The following IL1RAPL2 variants were observed in gnomAD, a reference collection of about 807,000 sequenced individuals.
The protein encoded by IL1RAPL2 is X-linked interleukin-1 receptor accessory protein-like 2.
In IL1RAPL2, 3 loss-of-function variants were observed where a neutral mutation model predicts 44.1. That is an observed-to-expected ratio of 0.07 (90% CI 0.03 to 0.18). The LOEUF is 0.18. IL1RAPL2 is among the 10% of genes least tolerant of loss of function. The probability of loss-of-function intolerance (pLI) is 1.00; values close to 1 mark genes in which losing one functional copy is unlikely to be tolerated. For synonymous variants in IL1RAPL2, 181 were observed against 178.8 expected (o/e 1.01, Z -0.10); for missense variants, 391 against 496.4 (o/e 0.79, Z 2.02).
At chrX:104,596,385 G>A (rs2147998593) in intron 1 of IL1RAPL2, among the ~76,000 whole-genome samples, 1 of 111,268 alleles carries the variant, frequency 9.0e-6, no homozygotes, top group South Asian at 3.8e-4. Flanking sequence ...ATGGTATAAT[G>A]TTTTTCCCAT....
chrX:104,795,470 C>A (rs1428866587), intron 2 of IL1RAPL2, among the ~76,000 whole-genome samples: 1 of 108,712 alleles, frequency 9.2e-6, no homozygotes, highest in Non-Finnish European at 1.9e-5. Context: ...AATCTCAATT[C>A]CTCAAAATCT....
chrX:105,670,900 TTA>T (rs1016921700), intron 6 of IL1RAPL2, among the ~76,000 whole-genome samples: 8 of 106,897 alleles, frequency 7.5e-5, no homozygotes, highest in African/African-American at 2.4e-4. Context: ...TGTATATATA[TTA>T]TATATATATA....
At chrX:104,576,295 G>T (rs761487984) in intron 1 of IL1RAPL2, among the ~76,000 whole-genome samples, 1 of 111,382 alleles carries the variant, frequency 9.0e-6, no homozygotes, top group African/African-American at 3.3e-5. Flanking sequence ...TGACACAAAA[G>T]TATGTATACT....
intron 2 of IL1RAPL2, among the ~76,000 whole-genome samples, chrX:104,831,279 A>C (rs1921598143): frequency 8.9e-6 from 1 of 111,814 alleles, no homozygotes; most frequent in African/African-American, 3.2e-5. Flanking sequence ...GACTATTTAA[A>C]TCACTAAATT....
intron 2 of IL1RAPL2, among the ~76,000 whole-genome samples, chrX:105,165,189 T>C (rs751400699): frequency 3.6e-5 from 4 of 112,002 alleles, no homozygotes; most frequent in African/African-American, 9.7e-5. Flanking sequence ...ATACAGGAAA[T>C]TATCCTTTGT....
chrX:105,417,337 G>T (rs1054655512), intron 5 of IL1RAPL2, among the ~76,000 whole-genome samples: 1 of 112,040 alleles, frequency 8.9e-6, no homozygotes, highest in Non-Finnish European at 1.9e-5. Flanking sequence ...GCTGGGTGTG[G>T]TGGCGTGTGC....
intron 8 of IL1RAPL2, among the ~76,000 whole-genome samples, chrX:105,744,563 A>G (rs2038525343): frequency 8.9e-6 from 1 of 111,762 alleles, no homozygotes; most frequent in Non-Finnish European, 1.9e-5. Context: ...GCTGTAAGTC[A>G]AATATTTAAA....
At chrX:105,766,896 G>C (rs1237176311) in intron 10 of IL1RAPL2, 68 bp from the exon 11 acceptor site, 2 of 791,971 alleles carry the variant, frequency 2.5e-6, no homozygotes, top group African/African-American at 4.2e-5. Flanking sequence ...ATACTAGTGT[G>C]CAAACCTGAT....
chrX:105,059,058 A>G (rs991060278), intron 2 of IL1RAPL2, among the ~76,000 whole-genome samples: 16 of 111,964 alleles, frequency 1.4e-4, no homozygotes, highest in Admixed American at 9.4e-4. Context: ...ATGCATAATA[A>G]TTCACGTCAG....
At chrX:105,079,716 A>G (rs186259234) in intron 2 of IL1RAPL2, among the ~76,000 whole-genome samples, 22 of 110,377 alleles carry the variant, frequency 2.0e-4, no homozygotes, top group African/African-American at 6.9e-4. Context: ...GTATATTCCC[A>G]GTAATAGGAT....
intron 2 of IL1RAPL2, among the ~76,000 whole-genome samples, chrX:105,024,422 T>C (rs1256345285): frequency 1.8e-5 from 2 of 111,429 alleles, no homozygotes; most frequent in African/African-American, 3.2e-5. Context: ...AAGTCTACCC[T>C]CTGGATTCAG....
At chrX:105,311,718 AT>A (rs1294163159) in intron 5 of IL1RAPL2, among the ~76,000 whole-genome samples, 2 of 109,349 alleles carry the variant, frequency 1.8e-5, no homozygotes, top group Non-Finnish European at 3.8e-5. Flanking sequence ...TTGTATTTAT[AT>A]TTTATTTTTA....
chrX:105,622,136 C>T (rs371740360), intron 6 of IL1RAPL2, among the ~76,000 whole-genome samples: 5 of 109,613 alleles, frequency 4.6e-5, no homozygotes, highest in East Asian at 2.9e-4. Flanking sequence ...TTTAATCATA[C>T]GACAATTATA....
At chrX:105,546,028 G>C (rs1044098640) in intron 6 of IL1RAPL2, among the ~76,000 whole-genome samples, 3 of 111,264 alleles carry the variant, frequency 2.7e-5, no homozygotes, top group Non-Finnish European at 3.8e-5. Context: ...CTGACAACAC[G>C]GTTGGGCATG....
At chrX:105,036,628 CTTG>C (rs2031633800) in intron 2 of IL1RAPL2, among the ~76,000 whole-genome samples, 1 of 112,106 alleles carries the variant, frequency 8.9e-6, no homozygotes, top group Admixed American at 9.5e-5. Flanking sequence ...TTAGAGAAGA[CTTG>C]CTTGTCTGTC....
chrX:105,234,963 T>G (rs1343835717), intron 4 of IL1RAPL2, among the ~76,000 whole-genome samples: 2 of 109,149 alleles, frequency 1.8e-5, no homozygotes, highest in Non-Finnish European at 3.8e-5. Context: ...CTGGCAAGAG[T>G]GGAGGAAGCT....
At chrX:104,634,055 G>A (rs1356346335) in intron 1 of IL1RAPL2, among the ~76,000 whole-genome samples, 6 of 110,964 alleles carry the variant, frequency 5.4e-5, no homozygotes, top group Non-Finnish European at 7.6e-5. Flanking sequence ...CTTTGTTCTC[G>A]TTGGTTTCAA....
At chrX:105,353,315 G>T (rs1359919185) in intron 5 of IL1RAPL2, among the ~76,000 whole-genome samples, 1 of 111,691 alleles carries the variant, frequency 9.0e-6, no homozygotes, top group East Asian at 2.8e-4. Context: ...CCAGTACCAT[G>T]CTGTTTTGGT....
At chrX:104,810,211 C>G (rs1175783506) in intron 2 of IL1RAPL2, among the ~76,000 whole-genome samples, 2 of 109,153 alleles carry the variant, frequency 1.8e-5, no homozygotes. Flanking sequence ...GGGAATTGAA[C>G]AATGAGAGCA....
Sources: gnomAD v4.1 joint callset for allele counts (sites outside exome capture counted in the v4.1 genomes callset) on GRCh38, gnomAD v4.1.1 for gene constraint, MANE v1.5 for transcripts, NCBI Gene and HGNC (gene_info 2026-07-23, HGNC 2026-07-21) for gene names.